Variants in TRMT1L observed in about 807,000 individuals in gnomAD.
TRMT1L encodes the protein tRNA methyltransferase 1L, also known as tRNA (guanine(27)-N(2))-dimethyltransferase.
A neutral mutation model predicts 81.6 loss-of-function variants in TRMT1L; 28 were observed. That is an observed-to-expected ratio of 0.34 (90% CI 0.25 to 0.47). The LOEUF (loss-of-function observed/expected upper bound fraction) is 0.47. Among genes scored for constraint, TRMT1L ranks in the 20% least tolerant of loss-of-function variants. The probability of loss-of-function intolerance (pLI) is 1.00; values close to 1 mark genes in which losing one functional copy is unlikely to be tolerated. For synonymous variants in TRMT1L, 301 were observed against 303.2 expected (o/e 0.99, Z 0.07); for missense variants, 739 against 877.1 (o/e 0.84, Z 1.99).
At position 185,119,284 on chromosome 1, in the gene TRMT1L, A is replaced by G. The variant is rs1652437623; in HGVS notation, c.*735T>C. 6.6e-6 allele frequency: 1 copy of G among 152,164 alleles called. No homozygotes were observed. Among genetic ancestry groups the G allele is most frequent in the Non-Finnish European group, 1.5e-5 (1 of 68,020 alleles). The allele number at this position is 152,164 out of a possible 1,614,324, so 9.4% of individuals were successfully genotyped here. A position where few individuals can be genotyped will look rare whatever the true frequency, so the allele number is the denominator to read the frequency against. Reference sequence around the variant, plus strand: ...GCACTTAAGATCACCCAACCTTTTTAATTTATAACCAAATCTCTCCTCTTC... The same window carrying G: ...GCACTTAAGATCACCCAACCTTTTTGATTTATAACCAAATCTCTCCTCTTC... On this transcript the variant is annotated 3_prime_UTR_variant, in exon 15 of 15. Transcript: ENST00000367506.
At chr1:185,130,356 A>C (rs1652737962) in intron 10 of TRMT1L, among the ~76,000 whole-genome samples, 1 of 152,212 alleles carries the variant, frequency 6.6e-6, no homozygotes, top group African/African-American at 2.4e-5. Flanking sequence ...GACAGGAACA[A>C]AAATTAAACT....
chr1:185,120,529 A>G lies in TRMT1L; in HGVS notation c.1823-20T>C. 1.3e-6 allele frequency: 2 copies of G among 1,542,414 alleles called. No homozygotes were observed. The highest frequency in any genetic ancestry group is 1.3e-5 in the South Asian group (1 of 77,386). ...TCTTTCCTGCAACATACACATACAA[A>G]GTTAGCATGCTCTTAAAAATTACAA... is the stretch of plus-strand genomic sequence containing the variant. On this transcript the variant is annotated intron_variant, in intron 13 of 14. Coordinates refer to ENST00000367506, the MANE Select transcript of TRMT1L (RefSeq NM_030934.5).
intron 10 of TRMT1L, among the ~76,000 whole-genome samples, chr1:185,134,193 CT>C (rs1557987141): frequency 1.3e-5 from 2 of 151,246 alleles, no homozygotes; most frequent in African/African-American, 4.9e-5. Flanking sequence ...TTTTTTCTTT[CT>C]TTTTTTGAGA....
At chr1:185,125,266 TTTA>T (rs1354045594) in intron 11 of TRMT1L, among the ~76,000 whole-genome samples, 156 bp from the exon 12 acceptor site, 1 of 152,134 alleles carries the variant, frequency 6.6e-6, no homozygotes, top group African/African-American at 2.4e-5. Flanking sequence ...TTTAAAACTG[TTTA>T]TTTTCTTTAT....
intron 1 of TRMT1L, among the ~76,000 whole-genome samples, chr1:185,156,065 G>A (rs1200209626): frequency 6.6e-6 from 1 of 152,148 alleles, no homozygotes; most frequent in Non-Finnish European, 1.5e-5. Context: ...TGGCAGCTAG[G>A]ATCTACTACC....
At chr1:185,155,324 C>A (rs1653474048) in intron 1 of TRMT1L, among the ~76,000 whole-genome samples, 1 of 152,150 alleles carries the variant, frequency 6.6e-6, no homozygotes, top group African/African-American at 2.4e-5. Context: ...GTGGAACCCT[C>A]TCAGCTCCCC....
chr1:185,157,434 G>C (rs925146289), upstream of TRMT1L: 4 of 152,414 alleles, frequency 2.6e-5, no homozygotes, highest in African/African-American at 9.7e-5. Flanking sequence ...CACGGACCTG[G>C]GCGGGGCGAC....
intron 13 of TRMT1L, among the ~76,000 whole-genome samples, chr1:185,122,804 C>G (rs1652532823): frequency 6.6e-6 from 1 of 151,582 alleles, no homozygotes; most frequent in Non-Finnish European, 1.5e-5. Context: ...CCCACCTCAG[C>G]CTCTCAAGTA....
At chr1:185,156,347 T>G in intron 1 of TRMT1L, 131 bp downstream of exon 1, 1 of 1,600,532 alleles carries the variant, frequency 6.2e-7, no homozygotes, top group Non-Finnish European at 8.5e-7. Context: ...CGGGCCCCTC[T>G]TTCCTCCCCA....
At chr1:185,122,470 C>T (rs2102227077) in intron 13 of TRMT1L, among the ~76,000 whole-genome samples, 1 of 152,184 alleles carries the variant, frequency 6.6e-6, no homozygotes, top group East Asian at 1.9e-4. Context: ...TGCCCAGGCT[C>T]ACACAATCCT....
At chr1:185,139,891 A>G in intron 8 of TRMT1L, 82 bp downstream of exon 8, 1 of 1,447,546 alleles carries the variant, frequency 6.9e-7, no homozygotes, top group Non-Finnish European at 9.3e-7. Context: ...ACAACAAAAA[A>G]CTGTCTTAAT....
At position 185,140,165 on chromosome 1, in the gene TRMT1L, T is replaced by C. The variant is rs143629808; in HGVS notation, c.917A>G (p.Asn306Ser). ...TGTCACAGAATTTTCATTCAAGTCA[T>C]TGATTGTAACTTTGACTGCATTTCC... is the stretch of plus-strand genomic sequence containing the variant. ...HLGNAVKVTI[N>S]DLNENSVTLI... Residue 306 changes from asparagine to serine, a missense_variant, in exon 8 of 15, where the codon AAT becomes AGT. Physicochemically the swap from Asn to Ser is conservative, Grantham distance 46. Transcript: ENST00000367506. 1.9e-6 allele frequency: 3 copies of C among 1,613,724 alleles called. No individual in the cohort carries two copies. The highest frequency in any genetic ancestry group is 2.5e-6 in the Non-Finnish European group (3 of 1,179,750).
chr1:185,137,813 C>G lies in TRMT1L; in HGVS notation c.1323-17G>C. 6.2e-7 allele frequency: 1 copy of G among 1,609,888 alleles called. No homozygotes were observed. Among genetic ancestry groups the G allele is most frequent in the Non-Finnish European group, 8.5e-7 (1 of 1,178,336 alleles). ...GCTGCAGCTCTACAATAAATTTTTT[C>G]AAGTTATTTTGTGGGCTTATCATTT... On this transcript the variant is annotated splice_polypyrimidine_tract_variant and intron_variant, in intron 9 of 14. Transcript: ENST00000367506.
chr1:185,145,295 A>C, intron 5 of TRMT1L, 144 bp downstream of exon 5: 7 of 809,578 alleles, frequency 8.6e-6, no homozygotes, highest in Non-Finnish European at 1.3e-5. Context: ...TACAGAAAGA[A>C]ACCAAAAGCT....
chr1:185,129,411 G>C (rs1458279272), intron 10 of TRMT1L, among the ~76,000 whole-genome samples: 1 of 151,918 alleles, frequency 6.6e-6, no homozygotes, highest in Non-Finnish European at 1.5e-5. Flanking sequence ...ATGAATGAGA[G>C]TCCTGATATA....
rs941645198 is a variant in TRMT1L at position 185,123,905 on chromosome 1, A to G, written c.1774T>C (p.Phe592Leu). The change falls in exon 13 of 15, where the codon TTT becomes CTT. Residue 592 changes from phenylalanine (F) to leucine (L), a missense_variant. Phe to Leu is a conservative substitution (Grantham distance 22, BLOSUM62 0). Transcript: ENST00000367506. ...NVNKQEENGV[F>L]IKTTDDTTTD... is the part of the protein sequence containing the mutation. ...GTGGTGTCATCTGTAGTTTTAATAAATACACCATTTTCTTCTAAAAAATAA... is the reference window on the plus strand; with the variant it reads ...GTGGTGTCATCTGTAGTTTTAATAAGTACACCATTTTCTTCTAAAAAATAA... 3 of 1,505,478 alleles carry G rather than the reference A, an allele frequency of 2.0e-6. No homozygotes were observed. The Admixed American group carries it at 7.2e-5, about 36-fold the overall frequency. 93.3% of individuals were successfully genotyped at this position (1,505,478 alleles called of 1,614,324 possible).
At chr1:185,140,360 T>C (rs1653005645) in intron 7 of TRMT1L, 138 bp from the exon 8 acceptor site, 1 of 753,968 alleles carries the variant, frequency 1.3e-6, no homozygotes, top group Non-Finnish European at 2.0e-6. Flanking sequence ...TCCTTCTTAC[T>C]ACAAAGCTTC....
At chr1:185,147,635 C>G (rs1459923105) in intron 3 of TRMT1L, among the ~76,000 whole-genome samples, 1 of 152,098 alleles carries the variant, frequency 6.6e-6, no homozygotes, top group Non-Finnish European at 1.5e-5. Flanking sequence ...ACAGACCCTT[C>G]TTCATCTATG....
In TRMT1L at chr1:185,156,462, G is replaced by T; in HGVS notation, c.235+16C>A. 6.2e-7 allele frequency: 1 copy of T among 1,613,866 alleles called. No individual in the cohort carries two copies. Among genetic ancestry groups the T allele is most frequent in the South Asian group, 1.1e-5 (1 of 91,074 alleles). On this transcript the variant is annotated intron_variant, in intron 1 of 14. Transcript: ENST00000367506. ...CTCTCTTCTGCAGCAGAAAGATCTG[G>T]GCCTTCTGCACTTACTGCTTTTAGC... is the stretch of plus-strand genomic sequence containing the variant.
Sources: gnomAD v4.1 joint callset for allele counts (sites outside exome capture counted in the v4.1 genomes callset) on GRCh38, gnomAD v4.1.1 for gene constraint, MANE v1.5 for transcripts, NCBI Gene and HGNC (gene_info 2026-07-23, HGNC 2026-07-21) for gene names.